The following CNKSR2 variants were observed in gnomAD, a reference collection of about 807,000 sequenced individuals.
CNKSR2 encodes the protein CNK homolog protein 2.
Under a neutral mutation model 84.4 loss-of-function variants are expected in CNKSR2, and 14 were observed. That is an observed-to-expected ratio of 0.17 (90% CI 0.11 to 0.26). The LOEUF is 0.26. CNKSR2 is among the 10% of genes least tolerant of loss of function. The pLI, the probability that CNKSR2 is intolerant of heterozygous loss-of-function variation, is 1.00. For missense variants in CNKSR2, 485 were observed against 771.2 expected (o/e 0.63, Z 4.40); for synonymous variants, 275 against 277.9 (o/e 0.99, Z 0.10).
In CNKSR2 at chrX:21,642,181, A is replaced by G. The variant is rs752828902; in HGVS notation, c.2693-6650A>G. 2.3e-5 allele frequency: 17 copies of G among 743,485 alleles called. 1 individual carries two copies. In the South Asian group the frequency reaches 9.7e-4, roughly 42 times the overall value. 61.3% of individuals were successfully genotyped at this position (743,485 alleles called of 1,213,427 possible). ...GTATACACAATTTGCTTTGAAACTT[A>G]CTATGTTTATTCTATTATAAAGTGT... is the stretch of plus-strand genomic sequence containing the variant. On this transcript the variant is annotated intron_variant, in intron 20 of 21. Coordinates refer to ENST00000379510, the MANE Select transcript of CNKSR2 (RefSeq NM_014927.5).
intron 6 of CNKSR2, chrX:21,491,365 T>C (rs1291961280): frequency 8.9e-6 from 1 of 112,198 alleles, no homozygotes; most frequent in East Asian, 2.8e-4. Context: ...AATTTACCAA[T>C]TAATGATATT....
intron 13 of CNKSR2, among the ~76,000 whole-genome samples, chrX:21,585,932 A>G (rs2092384642): frequency 8.9e-6 from 1 of 111,859 alleles, no homozygotes; most frequent in Admixed American, 9.5e-5. Flanking sequence ...TTTGGTGATC[A>G]ATAAGCGTTA....
At chrX:21,409,675 T>C (rs761500663) in intron 1 of CNKSR2, among the ~76,000 whole-genome samples, 1 of 111,112 alleles carries the variant, frequency 9.0e-6, no homozygotes, top group South Asian at 3.8e-4. Context: ...TGATAGAGCT[T>C]CTGCAACATT....
At chrX:21,386,253 GT>G (rs1432267116) in intron 1 of CNKSR2, among the ~76,000 whole-genome samples, 1 of 111,184 alleles carries the variant, frequency 9.0e-6, no homozygotes, top group Non-Finnish European at 1.9e-5. Context: ...TTTTTGGTGC[GT>G]TCCTATGGAT....
intron 4 of CNKSR2, among the ~76,000 whole-genome samples, chrX:21,462,859 G>A (rs1026897719): frequency 1.8e-5 from 2 of 109,059 alleles, no homozygotes; most frequent in South Asian, 8.2e-4. Context: ...GACTACAGGG[G>A]CGTGCCACCA....
At chrX:21,452,200 C>CCTGCCTCAGCCT (rs2090941087) in intron 4 of CNKSR2, among the ~76,000 whole-genome samples, 1 of 111,786 alleles carries the variant, frequency 8.9e-6, no homozygotes, top group African/African-American at 3.3e-5. Context: ...AAGCAATTCT[C>CCTGCCTCAGCCT]CTGCCTCAGC....
chrX:21,642,618 C>T (rs2092695286), intron 20 of CNKSR2: 1 of 747,137 alleles, frequency 1.3e-6, no homozygotes, highest in Non-Finnish European at 1.6e-6. Context: ...GATAATTTAA[C>T]ACTGTATTTT....
At chrX:21,531,446 A>G (rs369900918) in intron 10 of CNKSR2, among the ~76,000 whole-genome samples, 2 of 111,324 alleles carry the variant, frequency 1.8e-5, no homozygotes, top group East Asian at 5.6e-4. Flanking sequence ...ACTGTCTTAA[A>G]CACTAAAAGC....
In CNKSR2 at chrX:21,374,936, G is replaced by A. The variant is rs749640462; in HGVS notation, c.39G>A (p.Pro13=). 5 of 1,209,656 alleles carry A rather than the reference G, an allele frequency of 4.1e-6. No individual in the cohort carries two copies. In the South Asian group the frequency reaches 7.0e-5, roughly 17 times the overall value. ...TGGAACCGGTGAGCAAATGGTCTCC[G>A]AGTCAAGTAGTGGACTGGATGAAAG... ...LIMEPVSKWS[P]SQVVDWMKGL... The change falls in exon 1 of 22, where the codon CCG becomes CCA. Residue 13 remains proline, a synonymous_variant. Coordinates refer to ENST00000379510, the MANE Select transcript of CNKSR2 (RefSeq NM_014927.5).
At chrX:21,536,858 G>A (rs1361236051) in intron 11 of CNKSR2, among the ~76,000 whole-genome samples, 1 of 97,060 alleles carries the variant, frequency 1.0e-5, no homozygotes, top group Non-Finnish European at 2.0e-5. Flanking sequence ...CTTTCATTTA[G>A]TTCTGCTCTG....
chrX:21,420,739 A>G (rs1284754990), intron 1 of CNKSR2, among the ~76,000 whole-genome samples: 1 of 110,722 alleles, frequency 9.0e-6, no homozygotes, highest in Non-Finnish European at 1.9e-5. Context: ...CTATCCTGCC[A>G]TGGCTAAGCT....
chrX:21,598,166 C>T (rs1390001043), intron 17 of CNKSR2, among the ~76,000 whole-genome samples: 4 of 111,018 alleles, frequency 3.6e-5, no homozygotes, highest in African/African-American at 6.5e-5. Flanking sequence ...AGGCACCCCA[C>T]TACTGTTCAT....
chrX:21,377,668 T>G lies in CNKSR2; in HGVS notation c.64+2707T>G, dbSNP rs190326972. ...TCTGTTTAGTAAGGTACATTCTTTA[T>G]GTACTTTCTAGGGTATTTTTTTCTT... On this transcript the variant is annotated intron_variant, in intron 1 of 21. Coordinates refer to ENST00000379510, the MANE Select transcript of CNKSR2 (RefSeq NM_014927.5). Among the ~76,000 whole-genome samples, 145 of 111,734 alleles carry G rather than the reference T, an allele frequency of 1.3e-3. 2 individuals carry two copies. Among genetic ancestry groups the G allele is most frequent in the African/African-American group, 4.4e-3 (136 of 30,813 alleles).
At chrX:21,462,104 C>T (rs2091068433) in intron 4 of CNKSR2, among the ~76,000 whole-genome samples, 1 of 111,323 alleles carries the variant, frequency 9.0e-6, no homozygotes, top group East Asian at 2.8e-4. Context: ...ATAGGGATTG[C>T]ATTGAATCTG....
At chrX:21,586,483 A>G (rs918404208) in intron 13 of CNKSR2, among the ~76,000 whole-genome samples, 2 of 111,587 alleles carry the variant, frequency 1.8e-5, no homozygotes, top group Non-Finnish European at 3.8e-5. Flanking sequence ...AGACAGCAAG[A>G]CGCTTAGTTA....
At chrX:21,409,188 CT>C (rs1368376292) in intron 1 of CNKSR2, among the ~76,000 whole-genome samples, 1 of 89,106 alleles carries the variant, frequency 1.1e-5, no homozygotes, top group Non-Finnish European at 2.2e-5. Context: ...TGTGAATGAT[CT>C]TTTAAATAAA....
At chrX:21,489,023 AC>A (rs2091414893) in intron 5 of CNKSR2, among the ~76,000 whole-genome samples, 1 of 111,412 alleles carries the variant, frequency 9.0e-6, no homozygotes, top group South Asian at 3.8e-4. Context: ...ACTGAGCCAG[AC>A]TAAATTTTGT....
chrX:21,514,329 A>T (rs756212834), intron 8 of CNKSR2, among the ~76,000 whole-genome samples: 1 of 111,981 alleles, frequency 8.9e-6, no homozygotes, highest in African/African-American at 3.2e-5. Context: ...TCTTGTTTAA[A>T]ACATTGTTAA....
At chrX:21,594,002 A>G (rs549628680) in intron 15 of CNKSR2, 3 of 111,807 alleles carry the variant, frequency 2.7e-5, no homozygotes, top group Admixed American at 9.5e-5. Context: ...AAATCTTTCT[A>G]CCATAAAGAC....
Sources: gnomAD v4.1 joint callset for allele counts (sites outside exome capture counted in the v4.1 genomes callset) on GRCh38, gnomAD v4.1.1 for gene constraint, MANE v1.5 for transcripts, NCBI Gene and HGNC (gene_info 2026-07-23, HGNC 2026-07-21) for gene names.